R3HDM2: variants seen among roughly 807,000 people sequenced by gnomAD.
The protein encoded by R3HDM2 is R3H domain-containing protein 2.
A neutral mutation model predicts 124.5 loss-of-function variants in R3HDM2; 38 were observed. That is an observed-to-expected ratio of 0.31 (90% CI 0.24 to 0.40). R3HDM2 has a LOEUF of 0.40. R3HDM2 is among the 10% of genes least tolerant of loss of function. R3HDM2 has a pLI of 1.00. For synonymous variants in R3HDM2, 391 were observed against 448.0 expected (o/e 0.87, Z 1.61); for missense variants, 869 against 1,236.9 (o/e 0.70, Z 4.46).
intron 1 of R3HDM2, among the ~76,000 whole-genome samples, chr12:57,411,289 T>A (rs1187897063): frequency 1.3e-5 from 2 of 152,170 alleles, no homozygotes; most frequent in African/African-American, 2.4e-5. Flanking sequence ...GTCTGCAACC[T>A]CAGCCTCCTG....
chr12:57,375,420 G>A (rs2063915309), intron 2 of R3HDM2, among the ~76,000 whole-genome samples: 1 of 152,096 alleles, frequency 6.6e-6, no homozygotes, highest in Non-Finnish European at 1.5e-5. Flanking sequence ...ATAATCAGAT[G>A]AATATCAGAT....
Position 57,385,787 on chromosome 12 carries a change from C to G in R3HDM2, c.-36+9962G>C, listed in dbSNP as rs565265787. ...ACACCTGGGGGACTAGACAGAAGAG[C>G]AGCTCTCAAAGTGTGGCCTGGAACC... On this transcript the variant is annotated intron_variant, in intron 2 of 23. Coordinates refer to ENST00000402412, the MANE Select transcript of R3HDM2 (RefSeq NM_001394031.1). 6.6e-5 allele frequency among the ~76,000 whole-genome samples: 10 copies of G among 152,218 alleles called. No individual in the cohort carries two copies. The East Asian group carries it at 1.5e-3, about 24-fold the overall frequency.
intron 1 of R3HDM2, 58 bp downstream of exon 1, chr12:57,430,662 G>GC: frequency 3.4e-6 from 3 of 887,702 alleles, no homozygotes; most frequent in South Asian, 1.0e-4. Context: ...CGGCCGCCAC[G>GC]CCCCCTCCCC....
chr12:57,271,424 C>T (rs2043558173), intron 14 of R3HDM2, among the ~76,000 whole-genome samples: 1 of 148,696 alleles, frequency 6.7e-6, no homozygotes, highest in South Asian at 2.2e-4. Context: ...CCCTTCTGCT[C>T]CCTGGACAGT....
At chr12:57,408,068 T>C (rs891991096) in intron 1 of R3HDM2, among the ~76,000 whole-genome samples, 15 of 152,214 alleles carry the variant, frequency 9.9e-5, no homozygotes, top group Admixed American at 8.5e-4. Flanking sequence ...TAGCTGAAAT[T>C]ACAGGCGTTT....
chr12:57,348,310 T>C (rs1204320738), intron 2 of R3HDM2, among the ~76,000 whole-genome samples: 1 of 151,994 alleles, frequency 6.6e-6, no homozygotes. Context: ...CTCACACCTG[T>C]AATCCCAACA....
chr12:57,311,336 C>T (rs2053859688), intron 2 of R3HDM2, among the ~76,000 whole-genome samples: 1 of 151,996 alleles, frequency 6.6e-6, no homozygotes, highest in African/African-American at 2.4e-5. Flanking sequence ...CATCATTCTC[C>T]TGCCTCAGCC....
chr12:57,426,948 T>G (rs2070797177), intron 1 of R3HDM2, among the ~76,000 whole-genome samples: 1 of 152,146 alleles, frequency 6.6e-6, no homozygotes, highest in Non-Finnish European at 1.5e-5. Context: ...TGTTGTGCAC[T>G]TTACTGAACA....
chr12:57,263,717 C>T (rs1050256764), intron 19 of R3HDM2, among the ~76,000 whole-genome samples: 2 of 152,150 alleles, frequency 1.3e-5, no homozygotes, highest in Non-Finnish European at 2.9e-5. Flanking sequence ...AAGTGATCCA[C>T]CCTCCTTGGC....
chr12:57,339,481 C>G (rs576945853), intron 2 of R3HDM2, among the ~76,000 whole-genome samples: 1 of 151,786 alleles, frequency 6.6e-6, no homozygotes, highest in African/African-American at 2.4e-5. Flanking sequence ...GGGTGGATCA[C>G]GAGGTCAGAA....
intron 19 of R3HDM2, among the ~76,000 whole-genome samples, chr12:57,263,252 G>A (rs184969443): frequency 1.7e-4 from 26 of 152,270 alleles, no homozygotes; most frequent in Non-Finnish European, 2.1e-4. Flanking sequence ...ATACCTACAT[G>A]TACATGCAGG....
At chr12:57,270,392 CTTATTTTGTTTTGTTTTGTT>C (rs1191346638) in intron 14 of R3HDM2, among the ~76,000 whole-genome samples, 13 of 148,620 alleles carry the variant, frequency 8.7e-5, no homozygotes, top group South Asian at 2.1e-4. Context: ...CCGGCTAATT[CTTATTTTGTTTTGTTTTGTT>C]TTGTTTTGTT....
At chr12:57,344,091 AT>A (rs1292638311) in intron 2 of R3HDM2, among the ~76,000 whole-genome samples, 2 of 152,156 alleles carry the variant, frequency 1.3e-5, no homozygotes, top group Non-Finnish European at 2.9e-5. Context: ...GTGCATATAA[AT>A]TTTTTTCAGG....
intron 1 of R3HDM2, among the ~76,000 whole-genome samples, chr12:57,419,546 A>T (rs2069988407): frequency 6.6e-6 from 1 of 151,588 alleles, no homozygotes; most frequent in Non-Finnish European, 1.5e-5. Context: ...GGCTCAAGTG[A>T]TCCTCCCACC....
chr12:57,298,425 G>A (rs1402714294), intron 6 of R3HDM2, among the ~76,000 whole-genome samples: 1 of 152,068 alleles, frequency 6.6e-6, no homozygotes, highest in Non-Finnish European at 1.5e-5. Context: ...TCATCAATAG[G>A]TATTTACTGA....
intron 13 of R3HDM2, among the ~76,000 whole-genome samples, chr12:57,281,677 G>A (rs148746687): frequency 0.01 from 1,528 of 152,010 alleles, 18 homozygotes; most frequent in African/African-American, 0.036. Flanking sequence ...GTAGAGATGG[G>A]GTTTTGCCTT....
chr12:57,285,569 T>C (rs1021695566), intron 12 of R3HDM2, among the ~76,000 whole-genome samples: 1 of 151,976 alleles, frequency 6.6e-6, no homozygotes, highest in Non-Finnish European at 1.5e-5. Flanking sequence ...AAAAGTAGAA[T>C]GGGAAACAAG....
In R3HDM2 at chr12:57,254,603, G is replaced by T. The variant is rs1242264339; in HGVS notation, c.*170C>A. 4 of 599,140 alleles carry T rather than the reference G, an allele frequency of 6.7e-6. No homozygotes were observed. Among genetic ancestry groups the T allele is most frequent in the Non-Finnish European group, 8.4e-6 (3 of 358,320 alleles). The allele number at this position is 599,140 out of a possible 1,614,324, so 37.1% of individuals were successfully genotyped here. On this transcript the variant is annotated 3_prime_UTR_variant, in exon 24 of 24. Transcript: ENST00000402412. ...GGACCCATGGCAGGGGAGCAAGAAGGAGTCCAATGCCAGTGTAGGTATCTG... is the reference window on the plus strand; with the variant it reads ...GGACCCATGGCAGGGGAGCAAGAAGTAGTCCAATGCCAGTGTAGGTATCTG...
intron 1 of R3HDM2, 62 bp from the exon 2 acceptor site, chr12:57,395,880 G>C (rs2067428379): frequency 1.3e-6 from 1 of 760,328 alleles, no homozygotes; most frequent in Non-Finnish European, 1.6e-6. Flanking sequence ...TAATATATTA[G>C]ATCCAATTCA....
Sources: allele counts gnomAD v4.1 joint callset (sites outside exome capture counted in the v4.1 genomes callset), GRCh38; gene constraint gnomAD v4.1.1; transcripts MANE v1.5; gene names NCBI Gene and HGNC (gene_info 2026-07-23, HGNC 2026-07-21).